Variants in PHF8 observed in about 807,000 individuals in gnomAD.
The protein encoded by PHF8 is PHD finger protein 8.
PHF8 carries 9 observed loss-of-function variants against 74.4 expected under a neutral mutation model. That is an observed-to-expected ratio of 0.12 (90% confidence interval 0.07 to 0.21). The LOEUF (loss-of-function observed/expected upper bound fraction) is 0.21, where lower values mean the gene tolerates loss of function less well. Among genes scored for constraint, PHF8 ranks in the 10% least tolerant of loss-of-function variants. The probability of loss-of-function intolerance (pLI) is 1.00; values close to 1 mark genes in which losing one functional copy is unlikely to be tolerated. For missense variants in PHF8, 478 were observed against 816.6 expected (o/e 0.59, Z 5.05); for synonymous variants, 311 against 316.6 (o/e 0.98, Z 0.19).
intron 2 of PHF8, among the ~76,000 whole-genome samples, chrX:54,038,449 G>A (rs2066498465): frequency 8.9e-6 from 1 of 112,035 alleles, no homozygotes; most frequent in Non-Finnish European, 1.9e-5. Context: ...TTCTAAATCA[G>A]TGGTTCTCAA....
intron 2 of PHF8, among the ~76,000 whole-genome samples, chrX:54,025,971 C>T (rs2066260039): frequency 9.0e-6 from 1 of 111,511 alleles, no homozygotes; most frequent in South Asian, 3.7e-4. Flanking sequence ...CTAACCCTGG[C>T]TCAGTACAAC....
intron 8 of PHF8, among the ~76,000 whole-genome samples, chrX:54,008,292 G>T (rs979066555): frequency 3.4e-4 from 37 of 108,585 alleles, no homozygotes; most frequent in African/African-American, 1.2e-3. Flanking sequence ...GCTTGAACCT[G>T]GGAGGCGGAG....
chrX:53,988,844 G>GT (rs1407251386), intron 14 of PHF8, among the ~76,000 whole-genome samples: 1 of 110,101 alleles, frequency 9.1e-6, no homozygotes, highest in Non-Finnish European at 1.9e-5. Context: ...CACAAAAATG[G>GT]TAAGTATGTG....
chrX:53,939,199 G>A lies in PHF8; in HGVS notation c.3034C>T (p.Arg1012Cys). The A allele has an allele frequency of 8.3e-7, 1 of 1,210,282 alleles. No individual in the cohort carries two copies. The highest frequency in any genetic ancestry group is 1.1e-6 in the Non-Finnish European group (1 of 894,521). ...CCATTTCTGTGGATTTTCAGGATAC[G>A]GCCGAGTCTCTGCTTTGCTGTGGCC... The part of the protein sequence containing the change: ...GLATAKQRLG[R>C]ILKIHRNGKL... The change falls in exon 22 of 22, where the codon CGT becomes TGT. Residue 1012 changes from arginine to cysteine, a missense_variant. Around this residue, in one of 9 missense-constraint regions of PHF8, gnomAD observed 6 missense variants for 21.4 expected, o/e 0.28. Coordinates refer to ENST00000338154, the MANE Select transcript of PHF8 (RefSeq NM_015107.3).
intron 17 of PHF8, 57 bp downstream of exon 17, chrX:53,985,759 G>A (rs781957654): frequency 4.1e-6 from 5 of 1,208,059 alleles, no homozygotes; most frequent in South Asian, 3.5e-5. Flanking sequence ...CACCTTGGGC[G>A]GGAGCGGGGG....
At chrX:53,976,832 T>G (rs2149815225) in intron 18 of PHF8, among the ~76,000 whole-genome samples, 1 of 111,369 alleles carries the variant, frequency 9.0e-6, no homozygotes, top group East Asian at 2.8e-4. Context: ...ATAGGGGAAT[T>G]CTACAAACAA....
intron 18 of PHF8, among the ~76,000 whole-genome samples, chrX:53,977,011 G>A (rs782013869): frequency 9.3e-4 from 104 of 112,363 alleles, no homozygotes; most frequent in African/African-American, 3.4e-3. Flanking sequence ...AAATCAAACA[G>A]ATAACCTGAA....
At chrX:54,028,980 T>A (rs1354352042) in intron 2 of PHF8, among the ~76,000 whole-genome samples, 1 of 112,307 alleles carries the variant, frequency 8.9e-6, no homozygotes, top group Non-Finnish European at 1.9e-5. Flanking sequence ...TGTACCTACT[T>A]CACAAGGTTG....
chrX:53,984,448 G>A (rs1401048837), intron 18 of PHF8, among the ~76,000 whole-genome samples: 2 of 111,610 alleles, frequency 1.8e-5, no homozygotes, highest in Non-Finnish European at 3.8e-5. Flanking sequence ...ATACACTGTG[G>A]TACTCAATAA....
intron 18 of PHF8, among the ~76,000 whole-genome samples, chrX:53,964,868 CAAAAAAAAAAA>C (rs782274910): frequency 5.3e-5 from 2 of 37,777 alleles, no homozygotes; most frequent in African/African-American, 9.4e-5. Context: ...AACTCTGCCT[CAAAAAAAAAAA>C]AAAAAAAAAG....
chrX:54,036,031 A>T (rs1603344237), intron 2 of PHF8, among the ~76,000 whole-genome samples: 2 of 107,248 alleles, frequency 1.9e-5, no homozygotes. Flanking sequence ...GAATCGCTTG[A>T]ACCTGGGAGC....
intron 18 of PHF8, among the ~76,000 whole-genome samples, chrX:53,984,612 C>T (rs1416590238): frequency 9.0e-6 from 1 of 111,696 alleles, no homozygotes; most frequent in African/African-American, 3.3e-5. Context: ...GAGTCACCAG[C>T]GGTAAAGGTT....
At chrX:54,007,945 C>G (rs1197351130) in intron 8 of PHF8, among the ~76,000 whole-genome samples, 6 of 112,230 alleles carry the variant, frequency 5.3e-5, no homozygotes, top group Non-Finnish European at 9.4e-5. Flanking sequence ...CACAATAACT[C>G]GTACACGAAT....
rs1482169838 is a variant in PHF8, at chrX:53,936,732, A to T, written c.*2426T>A. ...ATAGGAAAGGGAGGATCTAAAAAAA[A>T]TATAAATTACATTAGTAACACAACA... On this transcript the variant is annotated 3_prime_UTR_variant, in exon 22 of 22. Coordinates refer to ENST00000338154, the MANE Select transcript of PHF8 (RefSeq NM_015107.3). 3 of 111,578 alleles carry T rather than the reference A, an allele frequency of 2.7e-5. No individual in the cohort carries two copies. Among genetic ancestry groups the T allele is most frequent in the African/African-American group, 9.8e-5 (3 of 30,585 alleles). The allele number at this position is 111,578 out of a possible 1,213,427, so 9.2% of individuals were successfully genotyped here.
Position 53,938,025 on chromosome X carries a change from C to A in PHF8, c.*1133G>T, listed in dbSNP as rs1557082282. 8.6e-7 allele frequency: 1 copy of A among 1,165,522 alleles called. No individual in the cohort carries two copies. The highest frequency in any genetic ancestry group is 2.6e-5 in the Admixed American group (1 of 38,562). ...CTCTTCAACTTGGGCTCGTGAATGG[C>A]CTGTCTGCATTCTGCTTGAACGATG... On this transcript the variant is annotated 3_prime_UTR_variant, in exon 22 of 22. Coordinates refer to ENST00000338154, the MANE Select transcript of PHF8 (RefSeq NM_015107.3).
At chrX:53,974,056 G>C (rs1339968434) in intron 18 of PHF8, among the ~76,000 whole-genome samples, 2 of 110,877 alleles carry the variant, frequency 1.8e-5, no homozygotes, top group African/African-American at 6.5e-5. Context: ...TCAGGAGATG[G>C]AGACCATCCT....
intron 2 of PHF8, among the ~76,000 whole-genome samples, chrX:54,026,774 T>C (rs1199184259): frequency 9.1e-6 from 1 of 110,312 alleles, no homozygotes; most frequent in Non-Finnish European, 1.9e-5. Context: ...TTTGTGTCTG[T>C]ACGTGTGTTT....
At chrX:53,945,062 A>G (rs1460626843) in intron 19 of PHF8, among the ~76,000 whole-genome samples, 2 of 103,779 alleles carry the variant, frequency 1.9e-5, no homozygotes, top group African/African-American at 3.5e-5. Context: ...AATAATAAAA[A>G]TTGGCCGGCA....
In PHF8 at chrX:53,939,127, T is replaced by G; in HGVS notation, c.*31A>C. ...TTGACAATGGAGAAGGCAATGGGGG[T>G]AAAGGGGTGAGGGGTGGGACACAGG... On this transcript the variant is annotated 3_prime_UTR_variant, in exon 22 of 22. Coordinates refer to ENST00000338154, the MANE Select transcript of PHF8 (RefSeq NM_015107.3). 8.3e-7 allele frequency: 1 copy of G among 1,200,635 alleles called. No individual in the cohort carries two copies. Among genetic ancestry groups the G allele is most frequent in the African/African-American group, 1.8e-5 (1 of 56,083 alleles).
Sources: allele counts gnomAD v4.1 joint callset (sites outside exome capture counted in the v4.1 genomes callset), GRCh38; gene constraint gnomAD v4.1.1; regional missense constraint gnomAD v4.1.1; transcripts MANE v1.5; gene names NCBI Gene and HGNC (gene_info 2026-07-23, HGNC 2026-07-21).